The following SNX13 variants were observed in gnomAD, a reference collection of about 807,000 sequenced individuals.
SNX13 encodes sorting nexin 13.
In SNX13, 45 loss-of-function variants were observed where a neutral mutation model predicts 133.6. The observed-to-expected ratio is 0.34, with a 90% CI of 0.27 to 0.43. The LOEUF (loss-of-function observed/expected upper bound fraction) is 0.43, where lower values mean the gene tolerates loss of function less well. SNX13 is among the 20% of genes least tolerant of loss of function. The pLI is 1.00. For synonymous variants in SNX13, 414 were observed against 373.9 expected, an observed-to-expected ratio of 1.11 and a Z score of -1.24; for missense variants, 1,032 against 1,145.1, an observed-to-expected ratio of 0.90 and a Z score of 1.43.
intron 8 of SNX13, among the ~76,000 whole-genome samples, chr7:17,870,812 A>T (rs1315462897): frequency 6.6e-6 from 1 of 151,868 alleles, no homozygotes; most frequent in African/African-American, 2.4e-5. Context: ...CAAATTAACA[A>T]CCAAATTACC....
rs1302249168 is a variant in SNX13 at position 17,799,241 on chromosome 7, A to AT, written c.2299-88dup. On this transcript the variant is annotated intron_variant, in intron 22 of 25. Coordinates refer to ENST00000428135, the MANE Select transcript of SNX13 (RefSeq NM_015132.5). ...TTGTTGCTTTTACGAAATGATTGAT[A>AT]TTTCACAAGTCAGAGAACAAGTTAC... is the stretch of plus-strand genomic sequence containing the variant. 3.6e-6 allele frequency: 4 copies of AT among 1,119,892 alleles called. No homozygotes were observed. In the African/African-American group the frequency reaches 4.8e-5, roughly 13 times the overall value. 69.4% of individuals were successfully genotyped at this position (1,119,892 alleles called of 1,614,324 possible).
chr7:17,825,879 T>A (rs1481007028), intron 17 of SNX13, 143 bp downstream of exon 17: 6 of 543,492 alleles, frequency 1.1e-5, no homozygotes, highest in Admixed American at 3.3e-5. Flanking sequence ...CAGAATTTAA[T>A]GAAGGACATG....
At chr7:17,891,377 T>C (rs1796608789) in intron 4 of SNX13, among the ~76,000 whole-genome samples, 169 bp downstream of exon 4, 1 of 152,036 alleles carries the variant, frequency 6.6e-6, no homozygotes, top group Admixed American at 6.6e-5. Context: ...ACCACCTCAT[T>C]AGAAGTGAGT....
At position 17,845,608 on chromosome 7, in the gene SNX13, T is replaced by C. The variant is rs200234752; in HGVS notation, c.1152A>G (p.Leu384=). The C allele has an allele frequency of 1.4e-4, 226 of 1,587,594 alleles. 4 individuals are homozygous for C. The Middle Eastern group carries it at 2.5e-3, about 18-fold the overall frequency. The change falls in exon 12 of 26, where the codon CTA becomes CTG. Residue 384 remains leucine, a synonymous_variant. Coordinates refer to ENST00000428135, the MANE Select transcript of SNX13 (RefSeq NM_015132.5). ...LDSILVDNVA[L]QFFMDYMQQT... ...TGATCTACCTACCCATAAAAAATTG[T>C]AGTGCAACATTGTCTACAAGAATGC...
chr7:17,872,822 T>C (rs1794272924), intron 8 of SNX13, among the ~76,000 whole-genome samples: 1 of 152,202 alleles, frequency 6.6e-6, no homozygotes, highest in Non-Finnish European at 1.5e-5. Context: ...CAGGACATGT[T>C]CTTGTGTAGC....
chr7:17,884,519 A>T (rs1795757653), intron 5 of SNX13, among the ~76,000 whole-genome samples: 1 of 152,194 alleles, frequency 6.6e-6, no homozygotes, highest in Non-Finnish European at 1.5e-5. Context: ...CACTATCTGG[A>T]AACAAATTCT....
chr7:17,826,407 T>C (rs1787918957), intron 16 of SNX13, among the ~76,000 whole-genome samples: 1 of 151,990 alleles, frequency 6.6e-6, no homozygotes, highest in Admixed American at 6.6e-5. Flanking sequence ...CAAGAAAATC[T>C]AGATAAAAAT....
intron 16 of SNX13, among the ~76,000 whole-genome samples, chr7:17,827,810 AATC>A (rs1343842223): frequency 6.6e-6 from 1 of 151,922 alleles, no homozygotes; most frequent in Non-Finnish European, 1.5e-5. Context: ...GTGCTCAAGA[AATC>A]ATTTTGATAG....
At position 17,799,098 on chromosome 7, in the gene SNX13, G is replaced by A. The variant is rs1243203241; in HGVS notation, c.2355C>T (p.Asp785=). 8 of 1,610,590 alleles carry A rather than the reference G, an allele frequency of 5.0e-6. No homozygotes were observed. Among genetic ancestry groups the A allele is most frequent in the Non-Finnish European group, 6.8e-6 (8 of 1,177,832 alleles). Residue 785 remains aspartate, a synonymous_variant, in exon 23 of 26, where the codon GAC becomes GAT. Transcript: ENST00000428135. The part of the protein sequence containing the change: ...VMLLLMDEVF[D]LKERNQWLRR... ...GCAACCACTGATTTCTTTCTTTTAAGTCGAATACTTCATCCATGAGAAGCA... is the reference window on the plus strand; with the variant it reads ...GCAACCACTGATTTCTTTCTTTTAAATCGAATACTTCATCCATGAGAAGCA...
chr7:17,856,785 T>TAAAAAAAAAAAA (rs200753998), intron 9 of SNX13, among the ~76,000 whole-genome samples: 3 of 97,538 alleles, frequency 3.1e-5, no homozygotes, highest in Non-Finnish European at 6.2e-5. Context: ...GAGACTCTCT[T>TAAAAAAAAAAAA]AAAAAAAAAA....
chr7:17,901,046 G>A (rs189324376), intron 1 of SNX13, among the ~76,000 whole-genome samples: 128 of 152,164 alleles, frequency 8.4e-4, no homozygotes, highest in African/African-American at 2.9e-3. Context: ...AATCTTGCCC[G>A]GACTAGGTCC....
chr7:17,871,167 A>G (rs553471299), intron 8 of SNX13, among the ~76,000 whole-genome samples: 90 of 151,964 alleles, frequency 5.9e-4, no homozygotes, highest in East Asian at 1.9e-3. Context: ...CACCATGCCC[A>G]GCTAATTTTT....
Position 17,805,250 on chromosome 7 carries a change from T to TGTGTGTGTGTGTGTGC in SNX13, c.2065-1671_2065-1670insGCACACACACACACAC. Among the ~76,000 whole-genome samples the TGTGTGTGTGTGTGTGC allele has an allele frequency of 1.3e-3, 126 of 95,580 alleles. 1 individual carries two copies. Among genetic ancestry groups the TGTGTGTGTGTGTGTGC allele is most frequent in the African/African-American group, 3.4e-3 (108 of 31,856 alleles). The allele number at this position is 95,580 out of a possible 152,430, so 62.7% of individuals were successfully genotyped here. ...GTGTGTGTGTGTGTGTGTGTGTGTGTGCGTGCGCGCGCGCGCATGCATGCA... is the reference window on the plus strand; with the variant it reads ...GTGTGTGTGTGTGTGTGTGTGTGTGTGTGTGTGTGTGTGTGCGCGTGCGCGCGCGCGCATGCATGCA... On this transcript the variant is annotated intron_variant, in intron 20 of 25. Transcript: ENST00000428135.
chr7:17,932,845 T>C (rs1235201058), intron 1 of SNX13, among the ~76,000 whole-genome samples: 5 of 152,216 alleles, frequency 3.3e-5, no homozygotes. Flanking sequence ...TTTCCCCTCT[T>C]AACTTTTCAC....
intron 16 of SNX13, among the ~76,000 whole-genome samples, chr7:17,829,239 AAAAC>A (rs1386170620): frequency 1.3e-5 from 2 of 151,542 alleles, no homozygotes; most frequent in Non-Finnish European, 3.0e-5. Context: ...GAGGAAAAAC[AAAAC>A]AAACAACACC....
At chr7:17,808,668 TTGAAA>T (rs1785612390) in intron 20 of SNX13, among the ~76,000 whole-genome samples, 2 of 151,822 alleles carry the variant, frequency 1.3e-5, no homozygotes. Context: ...TTCACCAAGG[TTGAAA>T]TGAAGGAAAA....
chr7:17,885,822 T>A (rs897517070), intron 5 of SNX13, among the ~76,000 whole-genome samples: 1 of 152,164 alleles, frequency 6.6e-6, no homozygotes, highest in Non-Finnish European at 1.5e-5. Flanking sequence ...AACAAGAGTC[T>A]GCCTCAAAAC....
chr7:17,803,217 C>A (rs1476785751), intron 21 of SNX13, among the ~76,000 whole-genome samples: 1 of 152,154 alleles, frequency 6.6e-6, no homozygotes, highest in East Asian at 1.9e-4. Context: ...ACAGCAGAGA[C>A]TAACAAGCAA....
chr7:17,825,247 AACTAGATTAAACTAG>A (rs2128305320), intron 17 of SNX13, among the ~76,000 whole-genome samples: 1 of 142,020 alleles, frequency 7.0e-6, no homozygotes, highest in Admixed American at 7.2e-5. Flanking sequence ...ATGTCTTCTA[AACTAGATTAAACTAG>A]ACTAGACTAG....
Sources: gnomAD v4.1 joint callset for allele counts (sites outside exome capture counted in the v4.1 genomes callset) on GRCh38, gnomAD v4.1.1 for gene constraint, MANE v1.5 for transcripts, NCBI Gene and HGNC (gene_info 2026-07-23, HGNC 2026-07-21) for gene names.